Variants in PTGFR observed in about 807,000 individuals in gnomAD.
PTGFR encodes prostaglandin F2-alpha receptor.
Under a neutral mutation model 26.2 loss-of-function variants are expected in PTGFR, and 15 were observed. The observed-to-expected ratio is 0.57, with a 90% confidence interval of 0.38 to 0.88. PTGFR has a LOEUF of 0.88. PTGFR is among the 40% of genes least tolerant of loss of function. The pLI, the probability that PTGFR is intolerant of heterozygous loss-of-function variation, is 0.00. For synonymous variants in PTGFR, 165 were observed against 151.1 expected (o/e 1.09, Z -0.68); for missense variants, 369 against 427.2 (o/e 0.86, Z 1.20).
In PTGFR at chr1:78,492,783, G is replaced by A. The variant is rs1228267660; in HGVS notation, c.40G>A (p.Ala14Thr). The A allele has an allele frequency of 6.8e-6, 11 of 1,614,148 alleles. No homozygotes were observed. Among genetic ancestry groups the A allele is most frequent in the Non-Finnish European group, 8.5e-6 (10 of 1,180,014 alleles). The change falls in exon 2 of 3, where the codon GCT (alanine) becomes ACT (threonine). Residue 14 changes from alanine to threonine, a missense_variant. By Grantham distance (58) the Ala-to-Thr change is moderately conservative. Transcript: ENST00000370757. The stretch of plus-strand genomic sequence containing the variant: ...TTCCAAACAGCTAGTGTCTCCTGCA[G>A]CTGCGCTTCTTTCAAACACAACCTG... ...NNSKQLVSPA[A>T]ALLSNTTCQT...
intron 2 of PTGFR, among the ~76,000 whole-genome samples, chr1:78,517,040 A>G (rs1382369802): frequency 1.3e-5 from 2 of 152,204 alleles, no homozygotes. Context: ...AATCCTACCT[A>G]GGCATATTTG....
intron 2 of PTGFR, among the ~76,000 whole-genome samples, chr1:78,496,691 T>C (rs538157930): frequency 2.0e-5 from 3 of 152,300 alleles, no homozygotes; most frequent in Admixed American, 1.3e-4. Context: ...AATGTATAAA[T>C]TGAAATTTAT....
intron 2 of PTGFR, among the ~76,000 whole-genome samples, chr1:78,532,546 G>A (rs1480107725): frequency 2.0e-5 from 3 of 148,556 alleles, no homozygotes; most frequent in Admixed American, 2.0e-4. Context: ...ATATATGTGT[G>A]TATATATACA....
At chr1:78,517,203 A>C (rs930973689) in intron 2 of PTGFR, among the ~76,000 whole-genome samples, 1 of 152,176 alleles carries the variant, frequency 6.6e-6, no homozygotes, top group African/African-American at 2.4e-5. Flanking sequence ...ATGAGTTTAG[A>C]AATACTCATT....
intron 2 of PTGFR, among the ~76,000 whole-genome samples, chr1:78,510,720 C>T (rs1198815268): frequency 6.6e-6 from 1 of 152,140 alleles, no homozygotes; most frequent in Non-Finnish European, 1.5e-5. Context: ...TCAAAAGTCT[C>T]AAGGCATTCT....
intron 2 of PTGFR, among the ~76,000 whole-genome samples, chr1:78,509,559 G>A (rs1203406317): frequency 6.6e-6 from 1 of 152,130 alleles, no homozygotes; most frequent in Non-Finnish European, 1.5e-5. Context: ...CATTATGCTT[G>A]TATTCATTGT....
At position 78,538,474 on chromosome 1, in the gene PTGFR, T is replaced by G. The variant is rs1650711037; in HGVS notation, c.*1787T>G. On this transcript the variant is annotated 3_prime_UTR_variant, in exon 3 of 3. Coordinates refer to ENST00000370757, the MANE Select transcript of PTGFR (RefSeq NM_000959.4). ...TTATCTATGTTATCTGAGTATATGT[T>G]TGGGTAACCAAATTGGTCTTAAAAA... 1 of 151,838 alleles carries G rather than the reference T, an allele frequency of 6.6e-6. No individual in the cohort carries two copies. The highest frequency in any genetic ancestry group is 2.4e-5 in the African/African-American group (1 of 41,324). The allele number at this position is 151,838 out of a possible 1,614,324, so 9.4% of individuals were successfully genotyped here. A position where few individuals can be genotyped will look rare whatever the true frequency, so the allele number is the denominator to read the frequency against.
intron 2 of PTGFR, among the ~76,000 whole-genome samples, chr1:78,515,034 G>T (rs955567500): frequency 4.6e-5 from 7 of 151,928 alleles, no homozygotes; most frequent in East Asian, 1.9e-4. Context: ...TATAAATTAC[G>T]CAGTTTCAGG....
intron 2 of PTGFR, among the ~76,000 whole-genome samples, chr1:78,530,826 T>C (rs909824276): frequency 6.6e-6 from 1 of 152,178 alleles, no homozygotes; most frequent in Non-Finnish European, 1.5e-5. Flanking sequence ...GAAATCCAGA[T>C]AGACTTGGGC....
At chr1:78,528,186 G>C (rs1223882219) in intron 2 of PTGFR, among the ~76,000 whole-genome samples, 1 of 151,272 alleles carries the variant, frequency 6.6e-6, no homozygotes, top group East Asian at 1.9e-4. Flanking sequence ...GAGAATGCTT[G>C]GGTATACATT....
chr1:78,511,187 G>A (rs1221009888), intron 2 of PTGFR, among the ~76,000 whole-genome samples: 1 of 152,188 alleles, frequency 6.6e-6, no homozygotes, highest in Non-Finnish European at 1.5e-5. Flanking sequence ...ACTAGGCAAT[G>A]CCCCTCTGGG....
At chr1:78,510,406 T>C (rs1200755271) in intron 2 of PTGFR, among the ~76,000 whole-genome samples, 1 of 152,052 alleles carries the variant, frequency 6.6e-6, no homozygotes, top group East Asian at 1.9e-4. Flanking sequence ...AGGCACATCA[T>C]ATGTCAAGAG....
intron 2 of PTGFR, among the ~76,000 whole-genome samples, chr1:78,524,036 A>G (rs868658244): frequency 6.6e-6 from 1 of 152,140 alleles, no homozygotes; most frequent in African/African-American, 2.4e-5. Flanking sequence ...TGCAACTTAC[A>G]TAATACAACA....
intron 2 of PTGFR, chr1:78,497,878 A>G (rs1169138194): frequency 4.4e-6 from 7 of 1,579,430 alleles, no homozygotes; most frequent in East Asian, 4.5e-5. Context: ...CTTCAGGGAT[A>G]CAGAATAATT....
rs1301023353 is a variant in PTGFR, at chr1:78,539,464, T to C, written c.*2777T>C. ...GGTCAGAATATAAATGCTGGGAATA[T>C]ACATTTTATTACTTCTTAATCTGGG... is the stretch of plus-strand genomic sequence containing the variant. On this transcript the variant is annotated 3_prime_UTR_variant, in exon 3 of 3. Coordinates refer to ENST00000370757, the MANE Select transcript of PTGFR (RefSeq NM_000959.4). 1 of 152,548 alleles carries C rather than the reference T, an allele frequency of 6.6e-6. No homozygotes were observed. Among genetic ancestry groups the C allele is most frequent in the African/African-American group, 2.4e-5 (1 of 41,446 alleles). 9.4% of individuals were successfully genotyped at this position (152,548 alleles called of 1,614,324 possible).
chr1:78,494,167 T>C (rs1348089612), intron 2 of PTGFR, among the ~76,000 whole-genome samples: 2 of 152,278 alleles, frequency 1.3e-5, no homozygotes, highest in Non-Finnish European at 2.9e-5. Context: ...TTAACCAGCA[T>C]CTGTATGTGA....
At chr1:78,525,251 T>A (rs913846682) in intron 2 of PTGFR, among the ~76,000 whole-genome samples, 1 of 151,960 alleles carries the variant, frequency 6.6e-6, no homozygotes, top group Non-Finnish European at 1.5e-5. Flanking sequence ...CTGCCCTAAC[T>A]TCAGACACCA....
In PTGFR at chr1:78,493,267, G is replaced by A. The variant is rs200068380; in HGVS notation, c.524G>A (p.Arg175Gln). The change falls in exon 2 of 3, where the codon CGA becomes CAA. Residue 175 changes from arginine to glutamine, a missense_variant. Coordinates refer to ENST00000370757, the MANE Select transcript of PTGFR (RefSeq NM_000959.4). The part of the protein sequence containing the change: ...FIALLPILGH[R>Q]DYKIQASRTW... ...GCTTTGCTGCCCATCCTTGGACATC[G>A]AGACTATAAAATTCAGGCGTCGAGG... 2.0e-5 allele frequency: 33 copies of A among 1,613,952 alleles called. No individual in the cohort carries two copies. Among genetic ancestry groups the A allele is most frequent in the Middle Eastern group, 1.6e-4 (1 of 6,082 alleles).
chr1:78,493,677 G>C, intron 2 of PTGFR, 136 bp downstream of exon 2: 2 of 826,772 alleles, frequency 2.4e-6, no homozygotes, highest in Non-Finnish European at 3.5e-6. Flanking sequence ...CTCTGGCTTA[G>C]AATTACATGA....
Sources: allele counts gnomAD v4.1 joint callset (sites outside exome capture counted in the v4.1 genomes callset), GRCh38; gene constraint gnomAD v4.1.1; transcripts MANE v1.5; gene names NCBI Gene and HGNC (gene_info 2026-07-23, HGNC 2026-07-21).